Variants in PCDH7 observed in about 807,000 individuals in gnomAD.
The protein encoded by PCDH7 is protocadherin 7.
A neutral mutation model predicts 58.9 loss-of-function variants in PCDH7; 17 were observed. The observed-to-expected ratio is 0.29, with a 90% CI of 0.20 to 0.43. The LOEUF (loss-of-function observed/expected upper bound fraction) is 0.43. Ranked by LOEUF, PCDH7 falls within the 20% of genes least tolerant of loss-of-function variation. The pLI is 1.00. For missense variants in PCDH7, 1,274 were observed against 1,441.0 expected, an observed-to-expected ratio of 0.88 and a Z score of 1.88; for synonymous variants, 664 against 616.4, an observed-to-expected ratio of 1.08 and a Z score of -1.14.
intron 3 of PCDH7, among the ~76,000 whole-genome samples, chr4:31,076,149 T>C (rs1758972364): frequency 6.6e-6 from 1 of 152,178 alleles, no homozygotes; most frequent in Admixed American, 6.5e-5. Context: ...TTGAAGCTCT[T>C]AGAGTGCAGA....
chr4:30,731,099 A>C, exon 2 of PCDH7: 8 of 1,076,002 alleles, frequency 7.4e-6, no homozygotes, highest in Non-Finnish European at 9.0e-6. Context: ...AAAAATCCAA[A>C]AGCATATTGC....
chr4:31,130,943 C>A (rs1233464672), intron 3 of PCDH7, among the ~76,000 whole-genome samples: 1 of 152,060 alleles, frequency 6.6e-6, no homozygotes, highest in African/African-American at 2.4e-5. Context: ...TTTCAGATAG[C>A]AATGTCACCT....
intron 1 of PCDH7, among the ~76,000 whole-genome samples, chr4:30,770,912 C>A (rs1026522213): frequency 3.9e-5 from 6 of 152,240 alleles, no homozygotes; most frequent in African/African-American, 1.2e-4. Context: ...ATATAAGCAA[C>A]CTTACTTTCT....
intron 3 of PCDH7, among the ~76,000 whole-genome samples, chr4:30,966,820 T>C (rs948444032): frequency 1.3e-5 from 2 of 152,108 alleles, no homozygotes; most frequent in African/African-American, 4.8e-5. Flanking sequence ...CTTATCAAAA[T>C]TGGTTTAAAG....
chr4:31,112,654 T>G (rs1336606915), intron 3 of PCDH7, among the ~76,000 whole-genome samples: 1 of 152,170 alleles, frequency 6.6e-6, no homozygotes, highest in Non-Finnish European at 1.5e-5. Flanking sequence ...TTCAGTTCTC[T>G]GTGGGATTGT....
At chr4:30,909,965 T>C (rs1299142722) in intron 1 of PCDH7, among the ~76,000 whole-genome samples, 2 of 152,146 alleles carry the variant, frequency 1.3e-5, no homozygotes, top group African/African-American at 4.8e-5. Flanking sequence ...GTGGTACTAG[T>C]ACCAAAACAA....
At chr4:30,947,603 G>A (rs1032873581) in intron 2 of PCDH7, among the ~76,000 whole-genome samples, 2 of 152,144 alleles carry the variant, frequency 1.3e-5, no homozygotes, top group African/African-American at 4.8e-5. Flanking sequence ...AATTTATAGT[G>A]TACCTAGCGA....
chr4:30,747,348 A>G (rs537210028), intron 1 of PCDH7, among the ~76,000 whole-genome samples: 1 of 152,286 alleles, frequency 6.6e-6, no homozygotes, highest in East Asian at 1.9e-4. Context: ...AACAAATTAT[A>G]ATGAATGCAG....
intron 1 of PCDH7, among the ~76,000 whole-genome samples, chr4:30,809,432 C>A (rs904200949): frequency 2.0e-5 from 3 of 151,996 alleles, no homozygotes; most frequent in South Asian, 2.1e-4. Context: ...GAGTCAGTTT[C>A]TACGGTGGTC....
At chr4:30,934,922 C>T (rs1745142360) in intron 2 of PCDH7, among the ~76,000 whole-genome samples, 1 of 152,034 alleles carries the variant, frequency 6.6e-6, no homozygotes, top group Non-Finnish European at 1.5e-5. Flanking sequence ...ATCTCCTTCA[C>T]TTACACAATG....
At chr4:31,034,809 T>TA (rs1186817884) in intron 3 of PCDH7, among the ~76,000 whole-genome samples, 7 of 151,822 alleles carry the variant, frequency 4.6e-5, no homozygotes, top group African/African-American at 1.2e-4. Flanking sequence ...TGTCAGCATT[T>TA]AAAAAAAATA....
chr4:31,022,938 G>A (rs1184724269), intron 3 of PCDH7, among the ~76,000 whole-genome samples: 2 of 152,094 alleles, frequency 1.3e-5, no homozygotes, highest in African/African-American at 4.8e-5. Context: ...GGAAAAGCAC[G>A]GGAAAGATAA....
At chr4:31,022,364 T>C (rs1290327741) in intron 3 of PCDH7, among the ~76,000 whole-genome samples, 5 of 152,230 alleles carry the variant, frequency 3.3e-5, no homozygotes, top group Admixed American at 3.3e-4. Context: ...ATTCACACTA[T>C]AAGCTTGAAA....
intron 1 of PCDH7, among the ~76,000 whole-genome samples, chr4:30,882,391 T>C (rs1296515273): frequency 6.6e-6 from 1 of 151,882 alleles, no homozygotes; most frequent in Non-Finnish European, 1.5e-5. Context: ...TCCCAAGTAG[T>C]TGGGATGACA....
downstream of PCDH7, among the ~76,000 whole-genome samples, chr4:30,734,012 A>G (rs1406094285): frequency 6.6e-6 from 1 of 151,944 alleles, no homozygotes; most frequent in Admixed American, 6.6e-5. Flanking sequence ...AAAAAACAAA[A>G]CCCTCAAGAA....
At chr4:30,836,153 G>GT (rs1180103325) in intron 1 of PCDH7, among the ~76,000 whole-genome samples, 2 of 152,160 alleles carry the variant, frequency 1.3e-5, no homozygotes, top group African/African-American at 4.8e-5. Context: ...TGAAGATGTT[G>GT]TAAGTACTGA....
chr4:30,913,236 T>C (rs1421718543), intron 1 of PCDH7, among the ~76,000 whole-genome samples: 1 of 151,886 alleles, frequency 6.6e-6, no homozygotes, highest in Non-Finnish European at 1.5e-5. Context: ...AATGTGCAGA[T>C]TATAAGTAGT....
intron 3 of PCDH7, among the ~76,000 whole-genome samples, chr4:31,050,002 G>A (rs1756608319): frequency 6.6e-6 from 1 of 152,108 alleles, no homozygotes; most frequent in African/African-American, 2.4e-5. Context: ...TGGATTCTGA[G>A]TGGCAAAAAT....
At chr4:30,878,464 C>A (rs543711472) in intron 1 of PCDH7, among the ~76,000 whole-genome samples, 31 of 152,132 alleles carry the variant, frequency 2.0e-4, no homozygotes, top group African/African-American at 7.0e-4. Context: ...TTGAGGACAG[C>A]CAATGGACCT....
Sources: allele counts gnomAD v4.1 joint callset (sites outside exome capture counted in the v4.1 genomes callset), GRCh38; gene constraint gnomAD v4.1.1; transcripts MANE v1.5; gene names NCBI Gene and HGNC (gene_info 2026-07-23, HGNC 2026-07-21).